Variants in SPTSSB observed in about 807,000 individuals in gnomAD.
The protein encoded by SPTSSB is androgen down regulated in mouse prostate.
A neutral mutation model predicts 7.7 loss-of-function variants in SPTSSB; 6 were observed. The ratio of observed to expected loss-of-function variants is 0.78; its 90% CI spans 0.43 to 1.54. SPTSSB has a LOEUF of 1.54. Among genes scored for constraint, SPTSSB ranks in the 40% most tolerant of loss-of-function variants. The probability of loss-of-function intolerance (pLI) is 0.01; values close to 1 mark genes in which losing one functional copy is unlikely to be tolerated. For missense variants in SPTSSB, 91 were observed against 93.0 expected, an observed-to-expected ratio of 0.98 and a Z score of 0.09; for synonymous variants, 28 against 29.7, an observed-to-expected ratio of 0.94 and a Z score of 0.19.
At chr3:161,346,772 T>C (rs185725386) in intron 2 of SPTSSB, among the ~76,000 whole-genome samples, 29 of 152,092 alleles carry the variant, frequency 1.9e-4, no homozygotes, top group African/African-American at 7.0e-4. Context: ...ATGAGTCAAA[T>C]GGATAGAATA....
intron 2 of SPTSSB, 41 bp from the exon 3 acceptor site, chr3:161,346,396 C>T (rs1714238835): frequency 3.0e-6 from 3 of 1,015,298 alleles, no homozygotes; most frequent in Admixed American, 1.9e-5. Context: ...AGGAACCAAA[C>T]ATAGAATCAC....
At chr3:161,355,072 C>T (rs1281757502) in intron 2 of SPTSSB, among the ~76,000 whole-genome samples, 1 of 152,176 alleles carries the variant, frequency 6.6e-6, no homozygotes, top group Non-Finnish European at 1.5e-5. Flanking sequence ...GCTGTCCTTT[C>T]ACTTCCTAAC....
At chr3:161,360,785 C>T (rs1039071820) in intron 1 of SPTSSB, among the ~76,000 whole-genome samples, 8 of 151,956 alleles carry the variant, frequency 5.3e-5, no homozygotes, top group Non-Finnish European at 4.4e-5. Flanking sequence ...TTCTTCCATA[C>T]AAAAAGACAA....
At chr3:161,363,489 C>A (rs1458603594) in intron 1 of SPTSSB, among the ~76,000 whole-genome samples, 1 of 151,854 alleles carries the variant, frequency 6.6e-6, no homozygotes, top group African/African-American at 2.4e-5. Flanking sequence ...AGAATAATTT[C>A]TTTGTTTATT....
intron 2 of SPTSSB, among the ~76,000 whole-genome samples, chr3:161,352,938 A>G (rs889621088): frequency 8.5e-5 from 13 of 152,186 alleles, no homozygotes; most frequent in African/African-American, 3.1e-4. Flanking sequence ...AGAAGTGCTT[A>G]CTCTAGGTGA....
At chr3:161,371,330 A>G (rs1013881440) in intron 1 of SPTSSB, 105 bp downstream of exon 1, 2 of 736,806 alleles carry the variant, frequency 2.7e-6, no homozygotes, top group Non-Finnish European at 3.3e-6. Context: ...TAAACTGATA[A>G]ATTGCATTAA....
At position 161,349,644 on chromosome 3, in the gene SPTSSB, G is replaced by T. The variant is rs529998072; in HGVS notation, c.-32-3289C>A. Among the ~76,000 whole-genome samples, 3 of 152,260 alleles carry T rather than the reference G, an allele frequency of 2.0e-5. No individual in the cohort carries two copies. In the South Asian group the frequency reaches 6.2e-4, roughly 32 times the overall value. On this transcript the variant is annotated intron_variant, in intron 2 of 2. Transcript: ENST00000620149. ...CTTGATGACTTTAAAAATGTTCTTA[G>T]ATCTTTCATGAGATTGTGTATTCAA...
At chr3:161,356,086 C>T (rs1030020176) in intron 2 of SPTSSB, among the ~76,000 whole-genome samples, 1 of 152,146 alleles carries the variant, frequency 6.6e-6, no homozygotes, top group Non-Finnish European at 1.5e-5. Context: ...AATTGGGGTT[C>T]CCTTCTTGGT....
At chr3:161,357,860 C>T (rs1442328800) in intron 2 of SPTSSB, among the ~76,000 whole-genome samples, 3 of 152,114 alleles carry the variant, frequency 2.0e-5, no homozygotes, top group Non-Finnish European at 2.9e-5. Context: ...GGAAGTACAG[C>T]GCTGCCAACA....
chr3:161,362,624 A>G (rs1715057791), intron 1 of SPTSSB, among the ~76,000 whole-genome samples: 1 of 152,160 alleles, frequency 6.6e-6, no homozygotes, highest in Middle Eastern at 3.2e-3. Flanking sequence ...TGATCAAGGT[A>G]CAGCTTGTTA....
At chr3:161,362,374 C>T (rs1715049077) in intron 1 of SPTSSB, among the ~76,000 whole-genome samples, 2 of 152,034 alleles carry the variant, frequency 1.3e-5, no homozygotes, top group African/African-American at 2.4e-5. Context: ...AAATGTACTG[C>T]GACTCCACCT....
At chr3:161,347,533 A>G (rs1714307281) in intron 2 of SPTSSB, among the ~76,000 whole-genome samples, 1 of 151,702 alleles carries the variant, frequency 6.6e-6, no homozygotes, top group African/African-American at 2.4e-5. Context: ...AAGTGCTGGG[A>G]TGACAGGCAT....
At chr3:161,365,096 A>G (rs1211549853) in intron 1 of SPTSSB, among the ~76,000 whole-genome samples, 1 of 152,228 alleles carries the variant, frequency 6.6e-6, no homozygotes, top group African/African-American at 2.4e-5. Flanking sequence ...GCCATTTTAT[A>G]CTGATAATAG....
intron 2 of SPTSSB, among the ~76,000 whole-genome samples, chr3:161,348,292 CA>C (rs1442475672): frequency 1.7e-5 from 2 of 119,482 alleles, no homozygotes; most frequent in African/African-American, 8.0e-5. Context: ...CAAAACAAAA[CA>C]AAACAAAACA....
chr3:161,361,477 A>G (rs959656691), intron 1 of SPTSSB, among the ~76,000 whole-genome samples: 1 of 152,170 alleles, frequency 6.6e-6, no homozygotes, highest in Admixed American at 6.6e-5. Flanking sequence ...TGTTTTTGTC[A>G]TATTAAAAAA....
At chr3:161,366,896 C>T (rs150767384) in intron 1 of SPTSSB, among the ~76,000 whole-genome samples, 2,197 of 152,232 alleles carry the variant, frequency 0.014, 60 homozygotes, top group African/African-American at 0.05. Flanking sequence ...ATGGCTGGGC[C>T]GGGTGCAGTG....
intron 2 of SPTSSB, among the ~76,000 whole-genome samples, chr3:161,351,613 A>AAG (rs558236612): frequency 2.7e-5 from 4 of 146,342 alleles, no homozygotes; most frequent in African/African-American, 4.9e-5. Context: ...GAGAGAGAGA[A>AAG]AGAGAGAGAG....
chr3:161,362,216 A>C (rs1425296470), intron 1 of SPTSSB, among the ~76,000 whole-genome samples: 1 of 152,084 alleles, frequency 6.6e-6, no homozygotes, highest in Non-Finnish European at 1.5e-5. Context: ...AATTTTACTT[A>C]AAATTGCTCT....
intron 2 of SPTSSB, among the ~76,000 whole-genome samples, chr3:161,357,240 C>T (rs1217002697): frequency 6.6e-6 from 1 of 152,162 alleles, no homozygotes; most frequent in Non-Finnish European, 1.5e-5. Flanking sequence ...GCTTTAGGCA[C>T]ATAAATCGCT....
Sources: allele counts gnomAD v4.1 joint callset (sites outside exome capture counted in the v4.1 genomes callset), GRCh38; gene constraint gnomAD v4.1.1; transcripts MANE v1.5; gene names NCBI Gene and HGNC (gene_info 2026-07-23, HGNC 2026-07-21).